The following JAKMIP3 variants were observed in gnomAD, a reference collection of about 807,000 sequenced individuals.
JAKMIP3 encodes janus kinase and microtubule-interacting protein 3.
A neutral mutation model predicts 118.5 loss-of-function variants in JAKMIP3; 58 were observed. That is an observed-to-expected ratio of 0.49 (90% CI 0.40 to 0.61). The LOEUF is 0.61. JAKMIP3 is among the 20% of genes least tolerant of loss of function. The pLI is 0.00. For missense variants in JAKMIP3, 950 were observed against 1,109.0 expected (o/e 0.86, Z 2.04); for synonymous variants, 486 against 451.2 (o/e 1.08, Z -0.98).
Position 132,051,956 on chromosome 10 carries a change from G to A in JAKMIP3, c.-138+15218G>A, listed in dbSNP as rs117347993. On this transcript the variant is annotated intron_variant, in intron 1 of 23. Transcript: ENST00000657785. Reference sequence around the variant, plus strand: ...ATTTAAAACATTATCCCAGCCAGGTGTGGTGGCTCACACCCAGTACTTTGG... The same window carrying A: ...ATTTAAAACATTATCCCAGCCAGGTATGGTGGCTCACACCCAGTACTTTGG... Among the ~76,000 whole-genome samples, 151 of 152,362 alleles carry A rather than the reference G, an allele frequency of 9.9e-4. 3 individuals are homozygous for A. In the East Asian group the frequency reaches 0.027, roughly 27 times the overall value.
chr10:132,083,337 G>C (rs963237251), intron 1 of JAKMIP3, among the ~76,000 whole-genome samples: 1 of 151,940 alleles, frequency 6.6e-6, no homozygotes, highest in African/African-American at 2.4e-5. Context: ...ATCTTCTTTC[G>C]AGAATTGTCT....
In JAKMIP3 at chr10:132,055,288, G is replaced by T. The variant is rs147618852; in HGVS notation, c.-138+18550G>T. Reference sequence around the variant, plus strand: ...AATAAACCCCAGAAAGACTGAAGCAGATTTCAAATAAATTGTCCAAGTATC... The same window carrying T: ...AATAAACCCCAGAAAGACTGAAGCATATTTCAAATAAATTGTCCAAGTATC... On this transcript the variant is annotated intron_variant, in intron 1 of 23. Coordinates refer to the JAKMIP3 transcript ENST00000657785. 2.6e-3 allele frequency among the ~76,000 whole-genome samples: 402 copies of T among 152,276 alleles called. 2 individuals carry two copies. The highest frequency in any genetic ancestry group is 9.1e-3 in the African/African-American group (378 of 41,552).
In JAKMIP3 at chr10:132,168,439, GA is replaced by G. The variant is rs2059162434; in HGVS notation, c.*510del. 7.9e-7 allele frequency: 1 copy of G among 1,272,354 alleles called. No homozygotes were observed. Among genetic ancestry groups the G allele is most frequent in the African/African-American group, 1.5e-5 (1 of 65,474 alleles). 78.8% of individuals were successfully genotyped at this position (1,272,354 alleles called of 1,614,324 possible). A position where few individuals can be genotyped will look rare whatever the true frequency, so the allele number is the denominator to read the frequency against. ...GGTGACCTTCATTCAGGGGAACCTG[GA>G]GGCTCCCTGGGATGGTCCTGGGAGG... On this transcript the variant is annotated 3_prime_UTR_variant, in exon 23 of 24. Transcript: ENST00000684848.
At chr10:132,126,413 C>T (rs2049558528) in intron 3 of JAKMIP3, among the ~76,000 whole-genome samples, 1 of 152,000 alleles carries the variant, frequency 6.6e-6, no homozygotes, top group South Asian at 2.1e-4. Context: ...AGTGATCCTC[C>T]TACCTCAGCC....
At chr10:132,094,373 C>G (rs2043553002) in intron 1 of JAKMIP3, among the ~76,000 whole-genome samples, 2 of 152,110 alleles carry the variant, frequency 1.3e-5, no homozygotes, top group Admixed American at 1.3e-4. Context: ...CTGGTTCCCT[C>G]TCATTTGGGT....
intron 1 of JAKMIP3, among the ~76,000 whole-genome samples, chr10:132,078,118 G>A (rs1363481007): frequency 6.6e-6 from 1 of 152,158 alleles, no homozygotes; most frequent in African/African-American, 2.4e-5. Context: ...AGCCTCTTGT[G>A]TTTTTAAAAA....
At chr10:132,139,415 AGT>A (rs760839058) in intron 9 of JAKMIP3, among the ~76,000 whole-genome samples, 591 of 38,388 alleles carry the variant, frequency 0.015, 59 homozygotes, top group African/African-American at 0.039. Flanking sequence ...TGTATGTGTG[AGT>A]GTGTGTGTGT....
chr10:132,068,473 TGAA>T (rs1463218164), intron 1 of JAKMIP3, among the ~76,000 whole-genome samples: 1 of 149,830 alleles, frequency 6.7e-6, no homozygotes, highest in African/African-American at 2.5e-5. Flanking sequence ...GCTTCTTCCA[TGAA>T]TCTCTTGGGC....
intron 21 of JAKMIP3, among the ~76,000 whole-genome samples, chr10:132,166,296 A>G (rs1263279479): frequency 1.6e-4 from 24 of 152,190 alleles, no homozygotes; most frequent in Admixed American, 1.6e-3. Context: ...ACTGCACTCC[A>G]GACTGGGTGA....
intron 23 of JAKMIP3, among the ~76,000 whole-genome samples, chr10:132,181,771 G>A (rs1217387025): frequency 6.6e-6 from 1 of 152,078 alleles, no homozygotes; most frequent in African/African-American, 2.4e-5. Flanking sequence ...AAACCGTGGT[G>A]TCTCTACGGC....
intron 8 of JAKMIP3, among the ~76,000 whole-genome samples, chr10:132,137,535 G>A (rs1408613888): frequency 6.6e-6 from 1 of 152,206 alleles, no homozygotes; most frequent in Non-Finnish European, 1.5e-5. Flanking sequence ...ACCAGCTTGG[G>A]ACGATCATGT....
At chr10:132,115,710 G>A (rs2047542482) in intron 2 of JAKMIP3, among the ~76,000 whole-genome samples, 1 of 152,196 alleles carries the variant, frequency 6.6e-6, no homozygotes, top group South Asian at 2.1e-4. Context: ...AATTTCTCTG[G>A]AAATAAGATG....
rs534034085 is a variant in JAKMIP3 at position 132,168,968 on chromosome 10, G to A, written c.*1038G>A. 53 of 159,262 alleles carry A rather than the reference G, an allele frequency of 3.3e-4. 1 individual carries two copies. Among genetic ancestry groups the A allele is most frequent in the South Asian group, 2.6e-3 (14 of 5,408 alleles). 9.9% of individuals were successfully genotyped at this position (159,262 alleles called of 1,614,324 possible). A position where few individuals can be genotyped will look rare whatever the true frequency, so the allele number is the denominator to read the frequency against. ...GGCGGGCGCAAGAAGGGAACCGCGG[G>A]GACGGCCTTTCCCCTCCCGCCCTGT... On this transcript the variant is annotated 3_prime_UTR_variant, in exon 23 of 24. Coordinates refer to ENST00000684848, the MANE Select transcript of JAKMIP3 (RefSeq NM_001323087.2).
intron 3 of JAKMIP3, among the ~76,000 whole-genome samples, chr10:132,133,088 T>C (rs1589894117): frequency 6.6e-6 from 1 of 151,632 alleles, no homozygotes; most frequent in East Asian, 1.9e-4. Flanking sequence ...CAGGAAGGAG[T>C]CTCCCGCTGG....
intron 1 of JAKMIP3, among the ~76,000 whole-genome samples, chr10:132,074,664 G>C (rs2040494507): frequency 6.6e-6 from 1 of 152,086 alleles, no homozygotes; most frequent in Non-Finnish European, 1.5e-5. Context: ...TTCTTTTGCT[G>C]TGCAGAAACA....
chr10:132,178,245 C>T (rs970137834), intron 23 of JAKMIP3, among the ~76,000 whole-genome samples: 21 of 152,204 alleles, frequency 1.4e-4, no homozygotes, highest in African/African-American at 4.8e-4. Context: ...GGGGCTCCGC[C>T]GTGGTGGCTG....
chr10:132,117,569 A>T lies in JAKMIP3; in HGVS notation c.628A>T (p.Arg210Trp). ...GAAGGAGTGCGAGCGGGAGATCCGC[A>T]GGCTGGTACGTGGGCAGGCAGGGGC... ...IKKECEREIR[R>W]LMEEIKFKDR... is the part of the protein sequence containing the mutation. The change falls in exon 3 of 24, where the codon AGG (arginine) becomes TGG (tryptophan). Residue 210 changes from arginine (R) to tryptophan (W), a missense_variant. Transcript: ENST00000684848. The surrounding 1 kb of genome is among the most constrained non-coding windows in gnomAD (Gnocchi z 8.6). The T allele has an allele frequency of 6.6e-7, 1 of 1,515,208 alleles. No homozygotes were observed. Among genetic ancestry groups the T allele is most frequent in the Non-Finnish European group, 8.9e-7 (1 of 1,123,116 alleles). 93.9% of individuals were successfully genotyped at this position (1,515,208 alleles called of 1,614,324 possible).
chr10:132,065,848 G>A (rs1383437039), upstream of JAKMIP3, among the ~76,000 whole-genome samples: 2 of 152,168 alleles, frequency 1.3e-5, no homozygotes, highest in Admixed American at 6.5e-5. The surrounding 1 kb of genome is among the most constrained non-coding windows in gnomAD (Gnocchi z 5.6). Flanking sequence ...CAAGGGCTCT[G>A]CTTGGAAACA....
intron 4 of JAKMIP3, among the ~76,000 whole-genome samples, chr10:132,133,759 C>G (rs2051132325): frequency 6.6e-6 from 1 of 152,256 alleles, no homozygotes; most frequent in African/African-American, 2.4e-5. Flanking sequence ...ATAGCATCAG[C>G]TCTGGCCCTG....
Sources: gnomAD v4.1 joint callset for allele counts (sites outside exome capture counted in the v4.1 genomes callset) on GRCh38, gnomAD v4.1.1 for gene constraint, Gnocchi (gnomAD v3.1) non-coding constraint, MANE v1.5 for transcripts, NCBI Gene and HGNC (gene_info 2026-07-23, HGNC 2026-07-21) for gene names.